Variants in RHBDD1 observed in about 807,000 individuals in gnomAD.
RHBDD1 encodes rhomboid domain containing 1, also known as rhomboid-related protein 4.
In RHBDD1, 38 loss-of-function variants were observed where a neutral mutation model predicts 36.3. The observed-to-expected ratio is 1.05, with a 90% CI of 0.81 to 1.37. The LOEUF (loss-of-function observed/expected upper bound fraction) is 1.37. RHBDD1 is among the 40% of genes most tolerant of loss of function. The pLI is 0.00. For missense variants in RHBDD1, 393 were observed against 377.6 expected (o/e 1.04, Z -0.34); for synonymous variants, 151 against 136.5 (o/e 1.11, Z -0.74).
intron 3 of RHBDD1, among the ~76,000 whole-genome samples, chr2:226,841,298 A>G (rs1941608215): frequency 6.6e-6 from 1 of 151,946 alleles, no homozygotes; most frequent in South Asian, 2.1e-4. Context: ...ACACCCAGCT[A>G]ATTTTTTTTT....
At chr2:226,931,759 A>G (rs368747314) in intron 8 of RHBDD1, among the ~76,000 whole-genome samples, 24 of 152,196 alleles carry the variant, frequency 1.6e-4, no homozygotes, top group African/African-American at 3.9e-4. Flanking sequence ...TGTATAATCA[A>G]TCCTGGAATC....
intron 8 of RHBDD1, chr2:226,988,231 A>G: frequency 9.4e-7 from 1 of 1,059,880 alleles, no homozygotes; most frequent in Non-Finnish European, 1.3e-6. Flanking sequence ...ATCAAGAAGC[A>G]AGAGGTTGGG....
At chr2:226,866,484 C>T (rs1414876542) in intron 4 of RHBDD1, among the ~76,000 whole-genome samples, 1 of 152,174 alleles carries the variant, frequency 6.6e-6, no homozygotes, top group East Asian at 1.9e-4. Context: ...AGTGAGGTTA[C>T]TAGCACAAGG....
intron 8 of RHBDD1, among the ~76,000 whole-genome samples, chr2:226,992,412 A>AGAGTAAGAT (rs1334595343): frequency 6.6e-6 from 1 of 152,240 alleles, no homozygotes; most frequent in Non-Finnish European, 1.5e-5. Context: ...CATTCTTCAG[A>AGAGTAAGAT]GAGTAAGATG....
intron 3 of RHBDD1, among the ~76,000 whole-genome samples, chr2:226,855,302 G>A (rs966901096): frequency 1.3e-5 from 2 of 152,186 alleles, no homozygotes; most frequent in African/African-American, 2.4e-5. Context: ...GAAGCAAGGC[G>A]CTCAAGAGCA....
the RHBDD1 span, among the ~76,000 whole-genome samples, chr2:226,828,715 G>A: frequency 1.3e-5 from 2 of 152,070 alleles, no homozygotes; most frequent in South Asian, 4.2e-4. Context: ...CTTTGATGAA[G>A]AATATATTCA....
intron 5 of RHBDD1, among the ~76,000 whole-genome samples, chr2:226,888,327 GT>G (rs1387733760): frequency 6.6e-6 from 1 of 151,878 alleles, no homozygotes; most frequent in African/African-American, 2.4e-5. Context: ...ATGTGATAGT[GT>G]TACAGAAATT....
upstream of RHBDD1, among the ~76,000 whole-genome samples, chr2:226,834,821 G>A (rs867437633): frequency 2.6e-5 from 4 of 151,594 alleles, no homozygotes; most frequent in African/African-American, 9.7e-5. Context: ...ATGCTCTGTC[G>A]CCCAGGCTGG....
intron 8 of RHBDD1, among the ~76,000 whole-genome samples, chr2:226,938,130 C>A (rs1011389754): frequency 1.3e-5 from 2 of 152,034 alleles, no homozygotes; most frequent in African/African-American, 4.8e-5. Context: ...TTAGTAATAG[C>A]CATTCTGACT....
At chr2:226,914,110 ATGT>A in intron 7 of RHBDD1, 95 bp from the exon 8 acceptor site, 1 of 1,041,498 alleles carries the variant, frequency 9.6e-7, no homozygotes, top group Non-Finnish European at 1.4e-6. Context: ...ACCTAAAATA[ATGT>A]TATGCCTTAC....
intron 8 of RHBDD1, among the ~76,000 whole-genome samples, chr2:226,956,733 G>A (rs1281170459): frequency 1.3e-5 from 2 of 152,184 alleles, no homozygotes; most frequent in African/African-American, 4.8e-5. Flanking sequence ...GACAAAAGCT[G>A]CAGCAAGTGA....
chr2:226,979,120 C>G (rs1955131588), intron 8 of RHBDD1, among the ~76,000 whole-genome samples: 1 of 152,068 alleles, frequency 6.6e-6, no homozygotes, highest in African/African-American at 2.4e-5. Flanking sequence ...AGCCTCAAAA[C>G]AAAGGAAACC....
At chr2:226,973,673 T>TA (rs1954010233) in intron 8 of RHBDD1, among the ~76,000 whole-genome samples, 1 of 152,230 alleles carries the variant, frequency 6.6e-6, no homozygotes, top group African/African-American at 2.4e-5. Context: ...AGTAAACAGA[T>TA]GGAGATGTTC....
At position 226,864,720 on chromosome 2, in the gene RHBDD1, T is replaced by C; in HGVS notation, c.27T>C (p.Asn9=). 6.2e-7 allele frequency: 1 copy of C among 1,614,128 alleles called. No homozygotes were observed. The highest frequency in any genetic ancestry group is 8.5e-7 in the Non-Finnish European group (1 of 1,179,972). The change falls in exon 4 of 9, where the codon AAT becomes AAC. Residue 9 remains asparagine, a synonymous_variant. Coordinates refer to ENST00000392062, the MANE Select transcript of RHBDD1 (RefSeq NM_001167608.3). The part of the protein sequence containing the change: MQRRSRGI[N]TGLILLLSQI... ...TGCAACGGAGATCAAGAGGGATAAA[T>C]ACTGGACTTATTCTACTCCTTTCTC... is the stretch of plus-strand genomic sequence containing the variant.
At chr2:226,904,893 C>G (rs533771089) in intron 5 of RHBDD1, among the ~76,000 whole-genome samples, 1 of 152,114 alleles carries the variant, frequency 6.6e-6, no homozygotes, top group South Asian at 2.1e-4. Context: ...CAGCAAGCAC[C>G]CTGAGCTGAA....
At chr2:226,801,363 G>A in the RHBDD1 span, among the ~76,000 whole-genome samples, 1 of 152,150 alleles carries the variant, frequency 6.6e-6, no homozygotes, top group East Asian at 1.9e-4. Context: ...AAGGTAGGTT[G>A]CAAAGCGTAG....
At position 226,996,941 on chromosome 2, in the gene RHBDD1, C is replaced by G. The variant is rs1959517550; in HGVS notation, c.*1419C>G. ...ACACAATTTTAAAGTCACCTGTAGC[C>G]CTACCCTTAGAGGTACCCAGGGTTA... On this transcript the variant is annotated 3_prime_UTR_variant, in exon 9 of 9. Coordinates refer to ENST00000392062, the MANE Select transcript of RHBDD1 (RefSeq NM_001167608.3). The G allele has an allele frequency of 6.6e-6, 1 of 152,100 alleles. No homozygotes were observed. The highest frequency in any genetic ancestry group is 6.5e-5 in the Admixed American group (1 of 15,284). The allele number at this position is 152,100 out of a possible 1,614,324, so 9.4% of individuals were successfully genotyped here.
At chr2:226,884,087 T>A (rs1262120421) in intron 5 of RHBDD1, among the ~76,000 whole-genome samples, 2 of 152,206 alleles carry the variant, frequency 1.3e-5, no homozygotes, top group Non-Finnish European at 2.9e-5. Context: ...AATAAGATGA[T>A]AAATCACATC....
chr2:226,949,063 A>G (rs958140234), intron 8 of RHBDD1, among the ~76,000 whole-genome samples: 1 of 152,214 alleles, frequency 6.6e-6, no homozygotes, highest in African/African-American at 2.4e-5. Context: ...TAGGAATACA[A>G]CTTACAAGGG....
Sources: gnomAD v4.1 joint callset for allele counts (sites outside exome capture counted in the v4.1 genomes callset) on GRCh38, gnomAD v4.1.1 for gene constraint, MANE v1.5 for transcripts, NCBI Gene and HGNC (gene_info 2026-07-23, HGNC 2026-07-21) for gene names.